Variants in PLPP1 observed in about 807,000 individuals in gnomAD.
PLPP1 encodes the protein lipid phosphate phosphohydrolase 1a.
Under a neutral mutation model 31.2 loss-of-function variants are expected in PLPP1, and 24 were observed. The ratio of observed to expected loss-of-function variants is 0.77; its 90% CI spans 0.56 to 1.08. The LOEUF is 1.08. Among genes scored for constraint, PLPP1 ranks in the 50% least tolerant of loss-of-function variants. The probability of loss-of-function intolerance (pLI) is 0.00; values close to 1 mark genes in which losing one functional copy is unlikely to be tolerated. For missense variants in PLPP1, 319 were observed against 342.7 expected (o/e 0.93, Z 0.55); for synonymous variants, 146 against 126.3 (o/e 1.16, Z -1.05).
At chr5:55,472,510 G>T (rs1344796918) in intron 2 of PLPP1, among the ~76,000 whole-genome samples, 1 of 152,120 alleles carries the variant, frequency 6.6e-6, no homozygotes, top group African/African-American at 2.4e-5. Flanking sequence ...TGAGGCAAGA[G>T]AATCGCTTGA....
intron 4 of PLPP1, among the ~76,000 whole-genome samples, chr5:55,437,940 A>ATT (rs1455058453): frequency 3.9e-5 from 6 of 152,240 alleles, no homozygotes; most frequent in Non-Finnish European, 8.8e-5. Flanking sequence ...AATCTTAAGG[A>ATT]AAGTGGATAG....
rs191221714 is a variant in PLPP1, at chr5:55,534,567, C to G, written c.58+5G>C. 1.9e-6 allele frequency: 3 copies of G among 1,540,780 alleles called. No homozygotes were observed. The highest frequency in any genetic ancestry group is 2.6e-6 in the Non-Finnish European group (3 of 1,145,810). On this transcript the variant is annotated splice_donor_5th_base_variant and intron_variant, in intron 1 of 5. Coordinates refer to ENST00000307259, the MANE Select transcript of PLPP1 (RefSeq NM_003711.4). ...CGCCCCTCGGACCCGGCGGCGCGTA[C>G]GTACCCAGCAACACGCAGAGCACAT... is the stretch of plus-strand genomic sequence containing the variant.
Position 55,425,871 on chromosome 5 carries a change from T to G in PLPP1, c.718A>C (p.Ile240Leu). 6.2e-7 allele frequency: 1 copy of G among 1,604,566 alleles called. No individual in the cohort carries two copies. Among genetic ancestry groups the G allele is most frequent in the Non-Finnish European group, 8.5e-7 (1 of 1,177,246 alleles). The change falls in exon 5 of 6, where the codon ATA (isoleucine) becomes CTA (leucine). Residue 240 changes from isoleucine (I) to leucine (L), a missense_variant. Transcript: ENST00000307259. Reference sequence around the variant, plus strand: ...TTGACCTGTATACTTACAACTAATATTGCAACCAGAGCTCCCTGAATGAGT... The same window carrying G: ...TTGACCTGTATACTTACAACTAATAGTGCAACCAGAGCTCCCTGAATGAGT... ...TGLIQGALVAILVAVYVSDFF... is the reference protein window; with the variant it reads ...TGLIQGALVALLVAVYVSDFF...
Position 55,449,593 on chromosome 5 carries a change from C to G in PLPP1, c.492-7685G>C, listed in dbSNP as rs147701952. Among the ~76,000 whole-genome samples the G allele has an allele frequency of 3.5e-3, 528 of 152,220 alleles. 2 individuals are homozygous for G. The highest frequency in any genetic ancestry group is 0.012 in the African/African-American group (484 of 41,544). ...AATCGGGCCCTGTTCTCACATCTTG[C>G]AGTTAAAATGTTTTAACATATATAT... is the stretch of plus-strand genomic sequence containing the variant. On this transcript the variant is annotated intron_variant, in intron 3 of 5. Transcript: ENST00000307259.
chr5:55,534,859 C>T lies in PLPP1; in HGVS notation c.-230G>A. On this transcript the variant is annotated 5_prime_UTR_variant, in exon 1 of 6. Transcript: ENST00000307259. ...AGCCCCCGCGAACACTCGGTTAGTGCCGAGGCGCTCGTGTGCCAGCCGCGG... is the reference window on the plus strand; with the variant it reads ...AGCCCCCGCGAACACTCGGTTAGTGTCGAGGCGCTCGTGTGCCAGCCGCGG... 1 of 508,664 alleles carries T rather than the reference C, an allele frequency of 2.0e-6. No homozygotes were observed. Among genetic ancestry groups the T allele is most frequent in the Non-Finnish European group, 3.4e-6 (1 of 290,604 alleles). The allele number at this position is 508,664 out of a possible 1,614,324, so 31.5% of individuals were successfully genotyped here.
At chr5:55,505,588 C>T (rs1753256847) in intron 1 of PLPP1, among the ~76,000 whole-genome samples, 2 of 152,022 alleles carry the variant, frequency 1.3e-5, no homozygotes, top group African/African-American at 4.8e-5. Context: ...AAAAGGTCTC[C>T]CCAAAATATC....
intron 1 of PLPP1, among the ~76,000 whole-genome samples, chr5:55,512,468 CAAAAA>C (rs370927824): frequency 1.9e-4 from 2 of 10,292 alleles, no homozygotes; most frequent in African/African-American, 3.9e-4. Context: ...AAGACTGTCT[CAAAAA>C]AAAAAAAAAA....
intron 3 of PLPP1, among the ~76,000 whole-genome samples, chr5:55,457,025 TG>T (rs1752029567): frequency 6.6e-6 from 1 of 151,700 alleles, no homozygotes; most frequent in African/African-American, 2.4e-5. Flanking sequence ...CCGGGGAGGG[TG>T]GTGCAGGCCT....
chr5:55,445,516 T>C (rs1167359627), intron 3 of PLPP1, among the ~76,000 whole-genome samples: 1 of 149,036 alleles, frequency 6.7e-6, no homozygotes, highest in Non-Finnish European at 1.5e-5. Flanking sequence ...ATTTGAAATA[T>C]CTTTATTTTG....
At chr5:55,485,176 A>T (rs1211101613) in intron 1 of PLPP1, 2 of 152,326 alleles carry the variant, frequency 1.3e-5, no homozygotes, top group African/African-American at 4.8e-5. Context: ...GGGGAACTTC[A>T]AATTTGCACC....
chr5:55,534,667 G>A lies in PLPP1; in HGVS notation c.-38C>T, dbSNP rs967232063. 2.8e-5 allele frequency: 43 copies of A among 1,519,994 alleles called. No individual in the cohort carries two copies. The highest frequency in any genetic ancestry group is 3.5e-5 in the Non-Finnish European group (40 of 1,134,902). The allele number at this position is 1,519,994 out of a possible 1,614,324, so 94.2% of individuals were successfully genotyped here. ...GGCTGCCCGGCAAGGGCGATGGACT[G>A]AGCTGCGGGACGGCGGCCGAGGCCC... On this transcript the variant is annotated 5_prime_UTR_variant, in exon 1 of 6. Transcript: ENST00000307259.
chr5:55,517,668 G>A (rs552493543), intron 1 of PLPP1, among the ~76,000 whole-genome samples: 161 of 152,260 alleles, frequency 1.1e-3, no homozygotes, highest in Non-Finnish European at 1.3e-3. Flanking sequence ...CACTATCAAT[G>A]TGATTCTAGA....
intron 1 of PLPP1, among the ~76,000 whole-genome samples, chr5:55,513,611 C>G (rs939687071): frequency 7.9e-5 from 12 of 151,942 alleles, no homozygotes; most frequent in Non-Finnish European, 1.5e-4. Context: ...TTCTAATGCT[C>G]TTATAAAAAT....
intron 1 of PLPP1, among the ~76,000 whole-genome samples, chr5:55,477,957 G>A (rs1329917681): frequency 1.3e-5 from 2 of 150,756 alleles, no homozygotes; most frequent in Non-Finnish European, 2.9e-5. Context: ...TCCAGCCTGG[G>A]TGACAGAGTG....
rs766427284 is a variant in PLPP1 at position 55,534,709 on chromosome 5, G to A, written c.-80C>T. ...CCGAGGCCCTTGATTCTCGAGCCCG[G>A]GCCGGGGCTGGCGACGGCCCCGAGC... On this transcript the variant is annotated 5_prime_UTR_variant, in exon 1 of 6. Coordinates refer to ENST00000307259, the MANE Select transcript of PLPP1 (RefSeq NM_003711.4). 2.8e-6 allele frequency: 4 copies of A among 1,413,702 alleles called. No individual in the cohort carries two copies. In the South Asian group the frequency reaches 5.2e-5, roughly 18 times the overall value. 87.6% of individuals were successfully genotyped at this position (1,413,702 alleles called of 1,614,324 possible). A position where few individuals can be genotyped will look rare whatever the true frequency, so the allele number is the denominator to read the frequency against.
At chr5:55,461,247 G>A (rs561742609) in intron 3 of PLPP1, among the ~76,000 whole-genome samples, 1 of 151,968 alleles carries the variant, frequency 6.6e-6, no homozygotes, top group Non-Finnish European at 1.5e-5. Flanking sequence ...AAACTTCTAG[G>A]CCCAAATGAC....
intron 1 of PLPP1, among the ~76,000 whole-genome samples, chr5:55,489,441 A>C (rs1367171293): frequency 6.6e-6 from 1 of 152,238 alleles, no homozygotes; most frequent in Non-Finnish European, 1.5e-5. Flanking sequence ...TTAAGTAACC[A>C]GTTATGGTGG....
chr5:55,500,301 G>C (rs1214455861), intron 1 of PLPP1, among the ~76,000 whole-genome samples: 2 of 151,922 alleles, frequency 1.3e-5, no homozygotes, highest in African/African-American at 2.4e-5. Context: ...GGATGGTCTT[G>C]ATCTCCTGAC....
chr5:55,473,598 T>G (rs1195166138), intron 2 of PLPP1, among the ~76,000 whole-genome samples: 3 of 152,112 alleles, frequency 2.0e-5, no homozygotes, highest in Non-Finnish European at 4.4e-5. Context: ...TGCTGTCATC[T>G]TTGGCCTATC....
Sources: allele counts gnomAD v4.1 joint callset (sites outside exome capture counted in the v4.1 genomes callset), GRCh38; gene constraint gnomAD v4.1.1; transcripts MANE v1.5; gene names NCBI Gene and HGNC (gene_info 2026-07-23, HGNC 2026-07-21).